Variants in RCAN3 observed in about 807,000 individuals in gnomAD.
RCAN3 encodes the protein regulator of calcineurin 3, also known as calcipressin-3.
Under a neutral mutation model 21.9 loss-of-function variants are expected in RCAN3, and 19 were observed. That is an observed-to-expected ratio of 0.87 (90% CI 0.61 to 1.27). The LOEUF is 1.27. Ranked by LOEUF, RCAN3 falls within the 50% of genes most tolerant of loss-of-function variation. The probability of loss-of-function intolerance (pLI) is 0.00; values close to 1 mark genes in which losing one functional copy is unlikely to be tolerated. For missense variants in RCAN3, 240 were observed against 300.1 expected, an observed-to-expected ratio of 0.80 and a Z score of 1.48; for synonymous variants, 114 against 112.3, an observed-to-expected ratio of 1.01 and a Z score of -0.09.
chr1:24,513,097 C>G (rs539238329), intron 1 of RCAN3, among the ~76,000 whole-genome samples: 6 of 151,944 alleles, frequency 3.9e-5, no homozygotes, highest in Non-Finnish European at 5.9e-5. Context: ...ATTAGCTGAG[C>G]GTGGTGTCGG....
At chr1:24,532,626 G>T (rs2148912701) in intron 3 of RCAN3, among the ~76,000 whole-genome samples, 1 of 151,750 alleles carries the variant, frequency 6.6e-6, no homozygotes, top group East Asian at 1.9e-4. Context: ...AACAGACCCA[G>T]TCCCACCCTT....
intron 1 of RCAN3, among the ~76,000 whole-genome samples, chr1:24,511,412 G>A (rs989479598): frequency 6.6e-6 from 1 of 151,924 alleles, no homozygotes; most frequent in Non-Finnish European, 1.5e-5. Flanking sequence ...CACCCACGAC[G>A]TGTATTCATT....
intron 2 of RCAN3, among the ~76,000 whole-genome samples, chr1:24,530,063 G>A (rs1326027703): frequency 6.6e-6 from 1 of 151,348 alleles, no homozygotes; most frequent in African/African-American, 2.4e-5. Flanking sequence ...ACTTAGAAAT[G>A]GATGTCTTGC....
chr1:24,512,608 A>G (rs1297432085), intron 1 of RCAN3, among the ~76,000 whole-genome samples: 1 of 152,236 alleles, frequency 6.6e-6, no homozygotes, highest in Admixed American at 6.5e-5. Flanking sequence ...TTTTTATTCC[A>G]TAATTACCAT....
rs150017600 is a variant in RCAN3 at position 24,535,112 on chromosome 1, C to G, written c.561C>G (p.His187Gln). 2 of 1,595,774 alleles carry G rather than the reference C, an allele frequency of 1.3e-6. No individual in the cohort carries two copies. The highest frequency in any genetic ancestry group is 1.8e-5 in the Admixed American group (1 of 55,302). The change falls in exon 5 of 5, where the codon CAC becomes CAG. Residue 187 changes from histidine to glutamine, a missense_variant. Physicochemically the swap from His to Gln is conservative, Grantham distance 24. Transcript: ENST00000374395. ...CTGCAGGAGAGAAATATGAACTTCA[C>G]GCGGGAACAGAGTCGACACCCAGCG... ...KLGPGEKYEL[H>Q]AGTESTPSVV...
At chr1:24,508,230 G>C (rs1172408049) in intron 1 of RCAN3, among the ~76,000 whole-genome samples, 1 of 152,218 alleles carries the variant, frequency 6.6e-6, no homozygotes, top group Non-Finnish European at 1.5e-5. Flanking sequence ...AGGGTATGTA[G>C]GCAGGAAAGA....
Position 24,533,104 on chromosome 1 carries a change from C to T in RCAN3, c.391C>T (p.Arg131Trp), listed in dbSNP as rs114568126. Residue 131 changes from arginine (R) to tryptophan (W), a missense_variant, in exon 4 of 5, where the codon CGG becomes TGG. Arg to Trp is a moderately radical substitution (Grantham distance 101). Coordinates refer to ENST00000374395, the MANE Select transcript of RCAN3 (RefSeq NM_013441.4). Reference protein sequence around the residue: ...FAQVQMSGEVRDKSYLLPPQP... With the variant: ...FAQVQMSGEVWDKSYLLPPQP... ...GCAGGTGCAGATGTCCGGCGAAGTG[C>T]GGGACAAGTCCTATCTCCTGCCGCC... 2.8e-5 allele frequency: 43 copies of T among 1,511,334 alleles called. No homozygotes were observed. The South Asian group carries it at 3.3e-4, about 12-fold the overall frequency. The allele number at this position is 1,511,334 out of a possible 1,614,324, so 93.6% of individuals were successfully genotyped here.
Position 24,535,453 on chromosome 1 carries a change from C to T in RCAN3, c.*176C>T. On this transcript the variant is annotated 3_prime_UTR_variant, in exon 5 of 5. Coordinates refer to ENST00000374395, the MANE Select transcript of RCAN3 (RefSeq NM_013441.4). ...TCGTGTAGAGTAGCAGCTGATTTGA[C>T]CTGTCCCAGATTTTAAGTGATATTC... is the stretch of plus-strand genomic sequence containing the variant. The T allele has an allele frequency of 1.8e-6, 1 of 550,966 alleles. No homozygotes were observed. The highest frequency in any genetic ancestry group is 2.8e-6 in the Non-Finnish European group (1 of 356,378). 34.1% of individuals were successfully genotyped at this position (550,966 alleles called of 1,614,324 possible). A position where few individuals can be genotyped will look rare whatever the true frequency, so the allele number is the denominator to read the frequency against.
chr1:24,511,987 G>T (rs1010784598), intron 1 of RCAN3, among the ~76,000 whole-genome samples: 1 of 152,128 alleles, frequency 6.6e-6, no homozygotes, highest in Non-Finnish European at 1.5e-5. Context: ...GAAGGTGAAG[G>T]AGAATTAGGG....
chr1:24,505,588 A>G (rs1459953247), intron 1 of RCAN3, among the ~76,000 whole-genome samples: 1 of 152,214 alleles, frequency 6.6e-6, no homozygotes, highest in African/African-American at 2.4e-5. Context: ...GGAACTTAGT[A>G]GCCCAAAGCA....
rs534363534 is a variant in RCAN3 at position 24,531,346 on chromosome 1, C to G, written c.324C>G (p.His108Gln). 3 of 1,613,702 alleles carry G rather than the reference C, an allele frequency of 1.9e-6. No individual in the cohort carries two copies. Among genetic ancestry groups the G allele is most frequent in the Non-Finnish European group, 2.5e-6 (3 of 1,179,840 alleles). ...CAGCAAGAGCGCGAATAGAACTCCA[C>G]GAAACAGACTTCAATGGGCAGAAGC... ...EAAARARIELHETDFNGQKLK... is the reference protein window; with the variant it reads ...EAAARARIELQETDFNGQKLK... Residue 108 changes from histidine to glutamine, a missense_variant, in exon 3 of 5, where the codon CAC becomes CAG. By Grantham distance (24) the His-to-Gln change is conservative. Coordinates refer to ENST00000374395, the MANE Select transcript of RCAN3 (RefSeq NM_013441.4).
intron 2 of RCAN3, among the ~76,000 whole-genome samples, chr1:24,530,356 C>CAAAAAAAAAAAAAAAAAAAAAAA (rs56914359): frequency 4.9e-5 from 4 of 81,498 alleles, no homozygotes; most frequent in African/African-American, 2.0e-4. Flanking sequence ...CTCTTATCTC[C>CAAAAAAAAAAAAAAAAAAAAAAA]AAAAAAAAAA....
chr1:24,529,487 G>A (rs1649567085), intron 2 of RCAN3, among the ~76,000 whole-genome samples: 1 of 150,598 alleles, frequency 6.6e-6, no homozygotes, highest in Non-Finnish European at 1.5e-5. Context: ...GGAGTTTGAG[G>A]CTGCAGTGAA....
rs748921982 is a variant in RCAN3 at position 24,531,355 on chromosome 1, C to A, written c.333C>A (p.Asp111Glu). Residue 111 changes from aspartate to glutamate, a missense_variant, in exon 3 of 5, where the codon GAC becomes GAA. Transcript: ENST00000374395. ...CGCGAATAGAACTCCACGAAACAGA[C>A]TTCAATGGGCAGAAGCTAAAGCTAT... ...ARARIELHETDFNGQKLKLYF... is the reference protein window; with the variant it reads ...ARARIELHETEFNGQKLKLYF... 6.2e-7 allele frequency: 1 copy of A among 1,613,510 alleles called. No individual in the cohort carries two copies. Among genetic ancestry groups the A allele is most frequent in the East Asian group, 2.2e-5 (1 of 44,870 alleles).
intron 3 of RCAN3, among the ~76,000 whole-genome samples, chr1:24,531,592 G>T (rs543491249): frequency 0.07 from 10,640 of 152,080 alleles, 1,159 homozygotes; most frequent in African/African-American, 0.23. Flanking sequence ...TACCTCCTAA[G>T]TTGTTTTGCT....
chr1:24,530,685 T>C (rs1257971782), intron 2 of RCAN3, among the ~76,000 whole-genome samples: 1 of 152,174 alleles, frequency 6.6e-6, no homozygotes, highest in Non-Finnish European at 1.5e-5. Context: ...CCTTTGAATA[T>C]GGACAATATT....
At chr1:24,515,261 G>A (rs1648212886) in intron 2 of RCAN3, among the ~76,000 whole-genome samples, 1 of 152,270 alleles carries the variant, frequency 6.6e-6, no homozygotes, top group African/African-American at 2.4e-5. Flanking sequence ...AAGGAATTCA[G>A]CTTTTTCCTG....
intron 1 of RCAN3, among the ~76,000 whole-genome samples, chr1:24,511,497 G>A (rs1039758914): frequency 5.9e-5 from 9 of 151,452 alleles, no homozygotes; most frequent in South Asian, 4.1e-4. Context: ...CCCACAACAC[G>A]TATTGATTAG....
intron 2 of RCAN3, among the ~76,000 whole-genome samples, chr1:24,516,634 G>A (rs947509186): frequency 6.6e-6 from 1 of 152,208 alleles, no homozygotes; most frequent in Non-Finnish European, 1.5e-5. Flanking sequence ...ATCTAGCTCA[G>A]GAGCTTGTCC....
Sources: allele counts gnomAD v4.1 joint callset (sites outside exome capture counted in the v4.1 genomes callset), GRCh38; gene constraint gnomAD v4.1.1; transcripts MANE v1.5; gene names NCBI Gene and HGNC (gene_info 2026-07-23, HGNC 2026-07-21).